The following RESF1 variants were observed in gnomAD, a reference collection of about 807,000 sequenced individuals.
RESF1 encodes gonad expressed transcript.
In RESF1, 65 loss-of-function variants were observed where a neutral mutation model predicts 134.7. The observed-to-expected ratio is 0.48, with a 90% CI of 0.40 to 0.59. The LOEUF is 0.59. Ranked by LOEUF, RESF1 falls within the 20% of genes least tolerant of loss-of-function variation. RESF1 has a pLI of 0.00. For missense variants in RESF1, 2,274 were observed against 2,002.7 expected (o/e 1.14, Z -2.59); for synonymous variants, 762 against 702.2 (o/e 1.09, Z -1.35).
intron 3 of RESF1, among the ~76,000 whole-genome samples, chr12:31,978,847 G>A (rs1440111857): frequency 7.3e-5 from 11 of 151,016 alleles, no homozygotes; most frequent in East Asian, 3.9e-4. Context: ...AGGATTACAG[G>A]TGTGAGGCAC....
At chr12:31,964,120 A>C (rs957915734) in intron 2 of RESF1, among the ~76,000 whole-genome samples, 3 of 152,088 alleles carry the variant, frequency 2.0e-5, no homozygotes, top group Non-Finnish European at 4.4e-5. Flanking sequence ...AAGTAGATTT[A>C]CCACTTTATT....
chr12:31,992,399 C>A lies in RESF1; in HGVS notation c.5108C>A (p.Ser1703Ter). 1.2e-6 allele frequency: 2 copies of A among 1,612,234 alleles called. No individual in the cohort carries two copies. The highest frequency in any genetic ancestry group is 2.2e-5 in the South Asian group (2 of 90,726). ...QERDNVNSRL[S>*]KRSFSADGFE... ...TTAGATAATGTTAATTCAAGACTCT[C>A]GAAGAGAAGCTTCAGTGCAGATGGA... The change falls in exon 6 of 6, where the codon TCG (serine) becomes TAG (stop). Residue 1703 changes from serine (S) to a stop codon, truncating the protein, a stop_gained. Transcript: ENST00000312561. LOFTEE classifies it low-confidence loss of function (END_TRUNC).
rs747103032 is a variant in RESF1, at chr12:31,983,410, A to G, written c.2455A>G (p.Ser819Gly). 3.1e-6 allele frequency: 5 copies of G among 1,614,092 alleles called. No homozygotes were observed. Among genetic ancestry groups the G allele is most frequent in the Non-Finnish European group, 3.4e-6 (4 of 1,180,018 alleles). Residue 819 changes from serine (S) to glycine (G), a missense_variant, in exon 4 of 6, where the codon AGT becomes GGT. Ser to Gly is a moderately conservative substitution (Grantham distance 56). Transcript: ENST00000312561. Reference protein sequence around the residue: ...KATAALKVDVSGPVASTATST... With the variant: ...KATAALKVDVGGPVASTATST... ...AACTGCTGCTTTGAAAGTTGATGTT[A>G]GTGGACCAGTAGCAAGTACAGCAAC... is the stretch of plus-strand genomic sequence containing the variant.
intron 3 of RESF1, among the ~76,000 whole-genome samples, chr12:31,980,020 A>C (rs1383763123): frequency 2.0e-5 from 3 of 152,000 alleles, no homozygotes; most frequent in Non-Finnish European, 2.9e-5. Context: ...TTAGTAGCAT[A>C]GACTCAGGTA....
intron 3 of RESF1, among the ~76,000 whole-genome samples, chr12:31,972,155 AT>A (rs1939523223): frequency 6.6e-6 from 1 of 152,096 alleles, no homozygotes; most frequent in Admixed American, 6.6e-5. Context: ...ATCCTTGGTA[AT>A]ATACTTTATA....
At chr12:31,962,564 AT>A (rs1176573622) in intron 2 of RESF1, 2 of 152,232 alleles carry the variant, frequency 1.3e-5, no homozygotes, top group Non-Finnish European at 2.9e-5. Flanking sequence ...CTCAAGTGAG[AT>A]TGGAACTATA....
Position 31,985,039 on chromosome 12 carries a change from A to T in RESF1, c.4084A>T (p.Ile1362Leu). Residue 1362 changes from isoleucine to leucine, a missense_variant, in exon 4 of 6, where the codon ATA becomes TTA. By Grantham distance (5) the Ile-to-Leu change is conservative. Transcript: ENST00000312561. The part of the protein sequence containing the change: ...SLGQSLSPEK[I>L]KLKLKSVSFK... ...GGGACAGTCATTATCACCAGAAAAG[A>T]TAAAATTGAAACTCAAATCAGTTAG... The T allele has an allele frequency of 6.3e-7, 1 of 1,586,262 alleles. No individual in the cohort carries two copies. Among genetic ancestry groups the T allele is most frequent in the South Asian group, 1.2e-5 (1 of 85,094 alleles).
At chr12:31,976,152 T>G (rs1939625514) in intron 3 of RESF1, among the ~76,000 whole-genome samples, 3 of 152,176 alleles carry the variant, frequency 2.0e-5, no homozygotes, top group Admixed American at 2.0e-4. Flanking sequence ...TGGTTTTCAT[T>G]TACATTTCTG....
In RESF1 at chr12:31,983,301, A is replaced by C. The variant is rs1939857777; in HGVS notation, c.2346A>C (p.Ala782=). 1.2e-6 allele frequency: 2 copies of C among 1,613,862 alleles called. No homozygotes were observed. Among genetic ancestry groups the C allele is most frequent in the East Asian group, 2.2e-5 (1 of 44,876 alleles). Residue 782 remains alanine, a synonymous_variant, in exon 4 of 6, where the codon GCA becomes GCC. Transcript: ENST00000312561. ...KTLSVKGITP[A]VLPETVYPVI... ...TGTCTGTCAAAGGAATAACACCTGC[A>C]GTGTTACCTGAAACAGTGTATCCCG...
At chr12:31,966,206 G>A (rs1347107980) in intron 2 of RESF1, among the ~76,000 whole-genome samples, 1 of 152,148 alleles carries the variant, frequency 6.6e-6, no homozygotes, top group Non-Finnish European at 1.5e-5. Context: ...TCATGCTTAT[G>A]AATTAGTGTT....
chr12:31,977,332 C>T (rs1265286495), intron 3 of RESF1, among the ~76,000 whole-genome samples: 1 of 152,064 alleles, frequency 6.6e-6, no homozygotes, highest in East Asian at 1.9e-4. Flanking sequence ...AGGTGTGTGC[C>T]ACCACATCCG....
At chr12:31,965,257 G>A (rs151206761) in intron 2 of RESF1, among the ~76,000 whole-genome samples, 4 of 152,096 alleles carry the variant, frequency 2.6e-5, no homozygotes, top group East Asian at 3.9e-4. Context: ...GCTCCCTGCC[G>A]GCTACTCCCT....
At chr12:31,976,375 T>C (rs972758459) in intron 3 of RESF1, among the ~76,000 whole-genome samples, 1 of 152,190 alleles carries the variant, frequency 6.6e-6, no homozygotes, top group South Asian at 2.1e-4. Flanking sequence ...ATATTTTGTA[T>C]GTTACATGTA....
intron 5 of RESF1, among the ~76,000 whole-genome samples, chr12:31,988,181 A>AT (rs774058102): frequency 6.6e-6 from 1 of 152,214 alleles, no homozygotes; most frequent in African/African-American, 2.4e-5. Context: ...AGGTTACATC[A>AT]TTTGACTTAA....
intron 3 of RESF1, among the ~76,000 whole-genome samples, chr12:31,973,976 C>T (rs766791131): frequency 6.6e-6 from 1 of 152,120 alleles, no homozygotes; most frequent in Admixed American, 6.6e-5. Flanking sequence ...TTCGCCAGAC[C>T]TGTACTTTTG....
rs766397741 is a variant in RESF1 at position 31,985,898 on chromosome 12, CTG to C, written c.4946_4947del (p.Val1649GlyfsTer11). 18 of 1,522,294 alleles carry C rather than the reference CTG, an allele frequency of 1.2e-5. No individual in the cohort carries two copies. The highest frequency in any genetic ancestry group is 4.2e-5 in the African/African-American group (3 of 71,300). 94.3% of individuals were successfully genotyped at this position (1,522,294 alleles called of 1,614,324 possible). On this transcript the variant is annotated frameshift_variant, in exon 4 of 6. Transcript: ENST00000312561. LOFTEE classifies it high-confidence loss of function. ...GATATCTTACTAAAGAATACAAACTCTGTGGAAGAACGGAAGGATGTAAAGCC... is the reference window on the plus strand; with the variant it reads ...GATATCTTACTAAAGAATACAAACTCTGGAAGAACGGAAGGATGTAAAGCC...
chr12:31,973,896 G>T (rs1172797558), intron 3 of RESF1, among the ~76,000 whole-genome samples: 16 of 152,016 alleles, frequency 1.1e-4, no homozygotes, highest in Non-Finnish European at 2.4e-4. Context: ...TTACATGTTG[G>T]CATCATCTAC....
At chr12:31,961,012 C>T (rs1939253835) in intron 2 of RESF1, 141 bp downstream of exon 2, 1 of 152,120 alleles carries the variant, frequency 6.6e-6, no homozygotes, top group Non-Finnish European at 1.5e-5. Context: ...CTGTGGGTCA[C>T]AATGGAATTG....
At chr12:31,976,345 A>T (rs1343253323) in intron 3 of RESF1, among the ~76,000 whole-genome samples, 1 of 152,252 alleles carries the variant, frequency 6.6e-6, no homozygotes, top group African/African-American at 2.4e-5. Flanking sequence ...TAACAGTAAC[A>T]TTAAACAGTT....
Sources: allele counts gnomAD v4.1 joint callset (sites outside exome capture counted in the v4.1 genomes callset), GRCh38; gene constraint gnomAD v4.1.1; transcripts MANE v1.5; gene names NCBI Gene and HGNC (gene_info 2026-07-23, HGNC 2026-07-21).